MAD1L1: variants seen among roughly 807,000 people sequenced by gnomAD.
The protein encoded by MAD1L1 is mitotic spindle assembly checkpoint protein MAD1.
A neutral mutation model predicts 96.9 loss-of-function variants in MAD1L1; 95 were observed. The ratio of observed to expected loss-of-function variants is 0.98; its 90% confidence interval spans 0.83 to 1.16. MAD1L1 has a LOEUF of 1.16. Ranked by LOEUF, MAD1L1 falls within the 50% of genes most tolerant of loss-of-function variation. The pLI is 0.00. For missense variants in MAD1L1, 1,007 were observed against 954.4 expected, an observed-to-expected ratio of 1.06 and a Z score of -0.73; for synonymous variants, 473 against 396.6, an observed-to-expected ratio of 1.19 and a Z score of -2.29.
At chr7:1,987,620 G>A (rs1166854883) in intron 14 of MAD1L1, among the ~76,000 whole-genome samples, 1 of 152,208 alleles carries the variant, frequency 6.6e-6, no homozygotes, top group African/African-American at 2.4e-5. Context: ...TGGTCCCGGG[G>A]TGCTCTCGGC....
At chr7:1,841,598 G>C (rs2128632799) in intron 18 of MAD1L1, among the ~76,000 whole-genome samples, 1 of 152,366 alleles carries the variant, frequency 6.6e-6, no homozygotes, top group East Asian at 1.9e-4. Context: ...AGCCTCCCAG[G>C]TGAGTGGCCG....
intron 13 of MAD1L1, among the ~76,000 whole-genome samples, chr7:2,004,553 A>C (rs1156255346): frequency 2.6e-5 from 4 of 152,222 alleles, no homozygotes; most frequent in African/African-American, 9.6e-5. Context: ...GCCCGGACCA[A>C]CCACGCTCTC....
chr7:1,913,260 G>A (rs950692210), intron 17 of MAD1L1, among the ~76,000 whole-genome samples: 9 of 151,936 alleles, frequency 5.9e-5, no homozygotes, highest in African/African-American at 2.2e-4. Context: ...CCAGACACAG[G>A]GCTCTGGAAG....
chr7:2,101,068 G>A (rs894658182), intron 11 of MAD1L1, among the ~76,000 whole-genome samples: 2 of 152,210 alleles, frequency 1.3e-5, no homozygotes, highest in African/African-American at 4.8e-5. Flanking sequence ...GGGGAGTGCT[G>A]CCAATTTGTT....
chr7:1,893,358 GTGGAACCCGCTTGAC>G (rs1485046340), intron 18 of MAD1L1, among the ~76,000 whole-genome samples: 2 of 152,226 alleles, frequency 1.3e-5, no homozygotes, highest in Non-Finnish European at 2.9e-5. Context: ...GCACACATCT[GTGGAACCCGCTTGAC>G]TGGAAACGGC....
intron 16 of MAD1L1, among the ~76,000 whole-genome samples, chr7:1,957,048 C>T (rs1779757832): frequency 6.6e-6 from 1 of 152,178 alleles, no homozygotes; most frequent in Non-Finnish European, 1.5e-5. Flanking sequence ...GCCCCGTGAC[C>T]GCTCCCTGTA....
At chr7:2,010,111 G>A (rs796457266) in intron 13 of MAD1L1, among the ~76,000 whole-genome samples, 3 of 118,748 alleles carry the variant, frequency 2.5e-5, no homozygotes, top group African/African-American at 6.6e-5. Flanking sequence ...TCTCTGCTTC[G>A]TACAGTACAG....
chr7:2,202,904 T>C (rs2114959808), intron 10 of MAD1L1, among the ~76,000 whole-genome samples: 1 of 152,280 alleles, frequency 6.6e-6, no homozygotes, highest in African/African-American at 2.4e-5. Flanking sequence ...ATCTGACCAG[T>C]CTACAAAAGT....
intron 17 of MAD1L1, among the ~76,000 whole-genome samples, chr7:1,903,880 G>A (rs529035640): frequency 2.3e-5 from 3 of 129,874 alleles, no homozygotes; most frequent in South Asian, 2.6e-4. Context: ...AGTGGCCTAT[G>A]GAAGATGCTC....
intron 7 of MAD1L1, 66 bp downstream of exon 7, chr7:2,217,896 G>A (rs975118223): frequency 3.2e-5 from 44 of 1,378,880 alleles, no homozygotes; most frequent in Admixed American, 6.8e-5. Context: ...CAGAAAGGCC[G>A]ACAGGGGCAG....
intron 12 of MAD1L1, among the ~76,000 whole-genome samples, chr7:2,016,160 CGA>C (rs1010587970): frequency 5.3e-4 from 80 of 152,286 alleles, no homozygotes; most frequent in African/African-American, 1.7e-3. Context: ...GCTCAAGAAG[CGA>C]GAGCCAGGAC....
At chr7:2,121,586 T>C (rs1055187149) in intron 11 of MAD1L1, among the ~76,000 whole-genome samples, 7 of 151,448 alleles carry the variant, frequency 4.6e-5, no homozygotes, top group Admixed American at 3.9e-4. Flanking sequence ...TGGGAGGGAG[T>C]GGGGCAGGAC....
chr7:2,052,031 A>G (rs1435417709), intron 12 of MAD1L1, among the ~76,000 whole-genome samples: 1 of 152,138 alleles, frequency 6.6e-6, no homozygotes, highest in Non-Finnish European at 1.5e-5. Context: ...AGGCGGAAAG[A>G]CAACCATTCA....
chr7:1,916,231 C>T (rs1020025847), intron 17 of MAD1L1, among the ~76,000 whole-genome samples: 2 of 152,186 alleles, frequency 1.3e-5, no homozygotes, highest in African/African-American at 2.4e-5. Flanking sequence ...GGCAGCTCCT[C>T]TCCTCCCTAG....
At chr7:2,056,000 TAAA>T (rs1562644015) in intron 12 of MAD1L1, among the ~76,000 whole-genome samples, 1 of 151,964 alleles carries the variant, frequency 6.6e-6, no homozygotes, top group Non-Finnish European at 1.5e-5. Flanking sequence ...AATAAATAAA[TAAA>T]AAACACAAAT....
intron 12 of MAD1L1, among the ~76,000 whole-genome samples, chr7:2,018,753 C>T (rs1277138415): frequency 3.3e-5 from 5 of 152,192 alleles, no homozygotes; most frequent in Non-Finnish European, 5.9e-5. Flanking sequence ...ATCTTCCTCC[C>T]TCACCCAGCC....
chr7:2,034,186 T>A (rs143601976), intron 12 of MAD1L1, among the ~76,000 whole-genome samples: 29 of 150,716 alleles, frequency 1.9e-4, no homozygotes, highest in Non-Finnish European at 3.2e-4. Flanking sequence ...CATGAAAAAA[T>A]TAAAAACAAA....
At chr7:2,160,158 G>C (rs559740905) in intron 10 of MAD1L1, among the ~76,000 whole-genome samples, 1 of 151,580 alleles carries the variant, frequency 6.6e-6, no homozygotes, top group Non-Finnish European at 1.5e-5. Flanking sequence ...TTGAGCCTGG[G>C]AGGCAGAGGC....
Position 1,936,720 on chromosome 7 carries a change from C to A in MAD1L1, c.1774G>T (p.Ala592Ser). 6.4e-7 allele frequency: 1 copy of A among 1,560,234 alleles called. No individual in the cohort carries two copies. The highest frequency in any genetic ancestry group is 8.7e-7 in the Non-Finnish European group (1 of 1,153,374). ...TCCTTGGACGATGGCAGACTCGCGG[C>A]GGCAGCCTCAAGGTCGGCTGGGACG... Reference protein sequence around the residue: ...GTVPADLEAAAASLPSSKEVA... With the variant: ...GTVPADLEAASASLPSSKEVA... Residue 592 changes from alanine to serine, a missense_variant, in exon 17 of 19, where the codon GCC becomes TCC. By Grantham distance (99) the Ala-to-Ser change is moderately conservative. Transcript: ENST00000265854.
Sources: gnomAD v4.1 joint callset for allele counts (sites outside exome capture counted in the v4.1 genomes callset) on GRCh38, gnomAD v4.1.1 for gene constraint, MANE v1.5 for transcripts, NCBI Gene and HGNC (gene_info 2026-07-23, HGNC 2026-07-21) for gene names.